ABL1: variants seen among roughly 807,000 people sequenced by gnomAD.
ABL1 encodes ABL proto-oncogene 1, non-receptor tyrosine kinase, also known as tyrosine-protein kinase ABL1.
In ABL1, 11 loss-of-function variants were observed where a neutral mutation model predicts 94.7. That is an observed-to-expected ratio of 0.12 (90% CI 0.07 to 0.19). ABL1 has a LOEUF of 0.19. Ranked by LOEUF, ABL1 falls within the 10% of genes least tolerant of loss-of-function variation. The pLI, the probability that ABL1 is intolerant of heterozygous loss-of-function variation, is 1.00. For missense variants in ABL1, 1,082 were observed against 1,489.4 expected (o/e 0.73, Z 4.50); for synonymous variants, 656 against 622.4 (o/e 1.05, Z -0.80).
rs1491324780 is a variant in ABL1 at position 130,797,236 on chromosome 9, G to GGAAAAAAA, written c.137-56828_137-56827insGAAAAAAA. Among the ~76,000 whole-genome samples the GGAAAAAAA allele has an allele frequency of 2.9e-4, 16 of 55,214 alleles. 1 individual carries two copies. The highest frequency in any genetic ancestry group is 9.5e-4 in the African/African-American group (16 of 16,922). 36.2% of individuals were successfully genotyped at this position (55,214 alleles called of 152,430 possible). A position where few individuals can be genotyped will look rare whatever the true frequency, so the allele number is the denominator to read the frequency against. On this transcript the variant is annotated intron_variant, in intron 1 of 10. Coordinates refer to the ABL1 transcript ENST00000372348. Reference sequence around the variant, plus strand: ...GGGCGACAGAGTGAGACTCCATCTCGAAAAAAAAAAAAAAAAAAAAAAAAA... The same window carrying GGAAAAAAA: ...GGGCGACAGAGTGAGACTCCATCTCGGAAAAAAAAAAAAAAAAAAAAAAAAAAAAAAAA...
At chr9:130,723,713 A>G (rs1345869140) in intron 1 of ABL1, among the ~76,000 whole-genome samples, 2 of 152,164 alleles carry the variant, frequency 1.3e-5, no homozygotes, top group Non-Finnish European at 2.9e-5. Context: ...TGAATACATA[A>G]TCATATACTT....
intron 1 of ABL1, among the ~76,000 whole-genome samples, chr9:130,839,449 C>T (rs1224162683): frequency 6.6e-6 from 1 of 152,204 alleles, no homozygotes; most frequent in Non-Finnish European, 1.5e-5. Context: ...TAATAAAAGG[C>T]CAGTCTGTCC....
At chr9:130,881,983 G>A (rs563753389) in intron 10 of ABL1, among the ~76,000 whole-genome samples, 16 of 152,050 alleles carry the variant, frequency 1.1e-4, no homozygotes, top group East Asian at 5.8e-4. Flanking sequence ...GTACCAAAAC[G>A]CACATTTAAA....
At chr9:130,827,325 C>A (rs1469346987) in intron 1 of ABL1, among the ~76,000 whole-genome samples, 4 of 152,152 alleles carry the variant, frequency 2.6e-5, no homozygotes, top group Admixed American at 2.6e-4. Context: ...TAGAGAAAAG[C>A]CCTACAGATA....
chr9:130,750,922 G>A (rs1831957050), intron 1 of ABL1, among the ~76,000 whole-genome samples: 1 of 151,518 alleles, frequency 6.6e-6, no homozygotes, highest in African/African-American at 2.4e-5. Context: ...TGGGATTCCA[G>A]GTGTGAGCCA....
At chr9:130,827,990 A>G (rs915213457) in intron 1 of ABL1, among the ~76,000 whole-genome samples, 3 of 151,552 alleles carry the variant, frequency 2.0e-5, no homozygotes, top group Non-Finnish European at 2.9e-5. Context: ...ATTCTTTGCT[A>G]TCCTTGGAGA....
At chr9:130,718,789 G>A (rs1831478992) in intron 1 of ABL1, among the ~76,000 whole-genome samples, 1 of 152,096 alleles carries the variant, frequency 6.6e-6, no homozygotes, top group Admixed American at 6.5e-5. Context: ...GGCTGAGGTG[G>A]GAGGGTCACT....
intron 1 of ABL1, among the ~76,000 whole-genome samples, chr9:130,725,841 T>G (rs1311288951): frequency 2.2e-5 from 3 of 133,774 alleles, no homozygotes; most frequent in African/African-American, 5.3e-5. Context: ...TTTTTTTTTT[T>G]TTTTTTTTTT....
chr9:130,713,225 G>A (rs1831393151), exon 1 of ABL1, among the ~76,000 whole-genome samples: 1 of 152,092 alleles, frequency 6.6e-6, no homozygotes, highest in South Asian at 2.1e-4. Flanking sequence ...GGTGGTGTCA[G>A]CGTCCGGGGC....
chr9:130,727,085 G>T lies in ABL1; in HGVS notation c.136+12630G>T, dbSNP rs561890155. ...AATTTTATGGCCCAGCATATAACCT[G>T]TCTTAGTGAATGTTCCATTTGTAGT... On this transcript the variant is annotated intron_variant, in intron 1 of 10. Coordinates refer to the ABL1 transcript ENST00000372348. Among the ~76,000 whole-genome samples the T allele has an allele frequency of 2.0e-5, 3 of 152,244 alleles. No homozygotes were observed. The South Asian group carries it at 6.2e-4, about 32-fold the overall frequency.
chr9:130,760,442 C>T (rs1415132248), intron 1 of ABL1, among the ~76,000 whole-genome samples: 4 of 152,064 alleles, frequency 2.6e-5, no homozygotes, highest in African/African-American at 9.7e-5. Context: ...TAACATAGAC[C>T]CTTCCAAGTC....
chr9:130,758,078 C>T (rs1236331047), intron 1 of ABL1, among the ~76,000 whole-genome samples: 1 of 152,134 alleles, frequency 6.6e-6, no homozygotes, highest in Non-Finnish European at 1.5e-5. Flanking sequence ...TAACTTATAT[C>T]AAGCACTTAC....
At chr9:130,882,151 G>A (rs945266858) in intron 10 of ABL1, among the ~76,000 whole-genome samples, 15 of 152,268 alleles carry the variant, frequency 9.9e-5, no homozygotes, top group African/African-American at 3.6e-4. Flanking sequence ...GAGCAGTAGG[G>A]AGGAGAGGCC....
Position 130,872,700 on chromosome 9 carries a change from G to A in ABL1, c.908-160G>A, listed in dbSNP as rs951444205. ...GAGCCTGGCCATGTCCCTCCCACAC[G>A]AGCACAGTCTCAGGATGCAGGTGCT... is the stretch of plus-strand genomic sequence containing the variant. On this transcript the variant is annotated intron_variant, in intron 5 of 10. Coordinates refer to ENST00000318560, the MANE Select transcript of ABL1 (RefSeq NM_005157.6). This position sits in a 1 kb window ranked among gnomAD's most constrained non-coding sequence, Gnocchi z 5.0. Among the ~76,000 whole-genome samples the A allele has an allele frequency of 6.6e-6, 1 of 152,196 alleles. No individual in the cohort carries two copies. Among genetic ancestry groups the A allele is most frequent in the African/African-American group, 2.4e-5 (1 of 41,452 alleles).
At chr9:130,728,229 G>GTTTTTTTTTTTTTTTTTT (rs1412533462) in intron 1 of ABL1, among the ~76,000 whole-genome samples, 1 of 74,710 alleles carries the variant, frequency 1.3e-5, no homozygotes, top group African/African-American at 1.3e-4. Flanking sequence ...ATGTCCAGCT[G>GTTTTTTTTTTTTTTTTTT]ATTTTTTTTT....
chr9:130,855,555 T>C (rs2132959439), intron 3 of ABL1, among the ~76,000 whole-genome samples: 1 of 152,208 alleles, frequency 6.6e-6, no homozygotes, highest in South Asian at 2.1e-4. Context: ...AACACATTCA[T>C]GGAGAGGTGT....
chr9:130,884,992 C>G lies in ABL1; in HGVS notation c.2702C>G (p.Pro901Arg). 12 of 1,611,582 alleles carry G rather than the reference C, an allele frequency of 7.4e-6. No homozygotes were observed. The highest frequency in any genetic ancestry group is 1.0e-5 in the Non-Finnish European group (12 of 1,179,538). Residue 901 changes from proline (P) to arginine (R), a missense_variant, in exon 11 of 11, where the codon CCC (proline) becomes CGC (arginine). Coordinates refer to ENST00000318560, the MANE Select transcript of ABL1 (RefSeq NM_005157.6). The surrounding 1 kb of genome is among the most constrained non-coding windows in gnomAD (Gnocchi z 5.6). ...KLSRLKPAPP[P>R]PPAASAGKAG... The stretch of plus-strand genomic sequence containing the variant: ...TCCAGGCTCAAACCTGCCCCGCCGC[C>G]CCCACCAGCAGCCTCTGCAGGGAAG...
At chr9:130,734,354 C>T (rs1831706896) in intron 1 of ABL1, among the ~76,000 whole-genome samples, 1 of 151,286 alleles carries the variant, frequency 6.6e-6, no homozygotes, top group Non-Finnish European at 1.5e-5. Flanking sequence ...GCTGGGACTA[C>T]AGGCACCCGC....
At chr9:130,847,436 C>T (rs746914577) in intron 1 of ABL1, among the ~76,000 whole-genome samples, 2 of 151,958 alleles carry the variant, frequency 1.3e-5, no homozygotes, top group African/African-American at 4.8e-5. Flanking sequence ...ACAGAGGGAC[C>T]GGTGGAAAGT....
Sources: allele counts gnomAD v4.1 joint callset (sites outside exome capture counted in the v4.1 genomes callset), GRCh38; gene constraint gnomAD v4.1.1; non-coding constraint Gnocchi (gnomAD v3.1); transcripts MANE v1.5; gene names NCBI Gene and HGNC (gene_info 2026-07-23, HGNC 2026-07-21).